Variants in LDB2 observed in about 807,000 individuals in gnomAD.
LDB2 encodes the protein LIM domain-binding protein 2.
Under a neutral mutation model 44.3 loss-of-function variants are expected in LDB2, and 12 were observed. The ratio of observed to expected loss-of-function variants is 0.27; its 90% CI spans 0.17 to 0.44. The LOEUF (loss-of-function observed/expected upper bound fraction) is 0.44, where lower values mean the gene tolerates loss of function less well. Among genes scored for constraint, LDB2 ranks in the 20% least tolerant of loss-of-function variants. The pLI, the probability that LDB2 is intolerant of heterozygous loss-of-function variation, is 1.00. For synonymous variants in LDB2, 164 were observed against 174.8 expected (o/e 0.94, Z 0.49); for missense variants, 344 against 473.5 (o/e 0.73, Z 2.54).
chr4:16,898,574 G>A lies in LDB2; in HGVS notation c.-89C>T, dbSNP rs1272431882. On this transcript the variant is annotated 5_prime_UTR_variant, in exon 1 of 8. Transcript: ENST00000304523. ...GCTGTGTTCTTCCCAGTACAAAGTA[G>A]ACGCACGCACACACGCTCACACACA... is the stretch of plus-strand genomic sequence containing the variant. 3 of 1,364,344 alleles carry A rather than the reference G, an allele frequency of 2.2e-6. No individual in the cohort carries two copies. Among genetic ancestry groups the A allele is most frequent in the Non-Finnish European group, 3.1e-6 (3 of 982,946 alleles). 84.5% of individuals were successfully genotyped at this position (1,364,344 alleles called of 1,614,324 possible).
intron 1 of LDB2, among the ~76,000 whole-genome samples, chr4:16,854,441 A>G (rs1788916690): frequency 6.6e-6 from 1 of 151,296 alleles, no homozygotes; most frequent in African/African-American, 2.4e-5. Context: ...CCAAAATAAC[A>G]GTGGTTATTT....
At chr4:16,557,235 G>A (rs1740009121) in intron 5 of LDB2, among the ~76,000 whole-genome samples, 1 of 152,200 alleles carries the variant, frequency 6.6e-6, no homozygotes, top group East Asian at 1.9e-4. Context: ...AGAGCACCGT[G>A]CGCAAGCCGA....
chr4:16,745,083 A>G (rs778890237), intron 2 of LDB2, among the ~76,000 whole-genome samples: 28 of 152,334 alleles, frequency 1.8e-4, no homozygotes, highest in African/African-American at 5.5e-4. Flanking sequence ...ACTGCAGGAC[A>G]GGGTCGTGAT....
intron 1 of LDB2, among the ~76,000 whole-genome samples, chr4:16,840,471 C>A (rs974125501): frequency 1.3e-5 from 2 of 152,124 alleles, no homozygotes; most frequent in African/African-American, 4.8e-5. Context: ...GGAAAACTCA[C>A]AGAAAGTCAG....
intron 1 of LDB2, among the ~76,000 whole-genome samples, chr4:16,858,427 G>C (rs1561460096): frequency 6.6e-6 from 1 of 152,204 alleles, no homozygotes; most frequent in Non-Finnish European, 1.5e-5. Flanking sequence ...GGCTTCCAGA[G>C]AACTGGGTCT....
intron 3 of LDB2, among the ~76,000 whole-genome samples, chr4:16,592,505 T>TATATATATATATACAC (rs757702164): frequency 9.3e-5 from 10 of 108,014 alleles, no homozygotes; most frequent in African/African-American, 3.8e-4. Flanking sequence ...TATATATATA[T>TATATATATATATACAC]ACACACACAC....
At chr4:16,601,024 T>C (rs1722444931) in intron 2 of LDB2, among the ~76,000 whole-genome samples, 1 of 152,000 alleles carries the variant, frequency 6.6e-6, no homozygotes, top group African/African-American at 2.4e-5. Flanking sequence ...GTAATTCACA[T>C]GAAAGAAACT....
intron 3 of LDB2, among the ~76,000 whole-genome samples, chr4:16,593,374 T>C (rs1273301616): frequency 1.3e-5 from 2 of 152,120 alleles, no homozygotes; most frequent in Non-Finnish European, 2.9e-5. Flanking sequence ...ACAGCCATGA[T>C]ATTTTATTAC....
chr4:16,730,560 T>A (rs1760522312), intron 2 of LDB2, among the ~76,000 whole-genome samples: 2 of 152,130 alleles, frequency 1.3e-5, no homozygotes, highest in Non-Finnish European at 2.9e-5. Context: ...CCATACATCA[T>A]CTCATTTATT....
rs192617277 is a variant in LDB2 at position 16,728,583 on chromosome 4, C to T, written c.235+30575G>A. Among the ~76,000 whole-genome samples the T allele has an allele frequency of 1.8e-3, 280 of 152,252 alleles. 4 individuals are homozygous for T. In the East Asian group the frequency reaches 0.046, roughly 25 times the overall value. The stretch of plus-strand genomic sequence containing the variant: ...ATAGTGATTGTATTTACAATTTAAG[C>T]TTCATTATCACATGGCACAGAAACT... On this transcript the variant is annotated intron_variant, in intron 2 of 7. Coordinates refer to ENST00000304523, the MANE Select transcript of LDB2 (RefSeq NM_001290.5).
At chr4:16,736,114 C>T (rs115805131) in intron 2 of LDB2, among the ~76,000 whole-genome samples, 4,097 of 152,272 alleles carry the variant, frequency 0.027, 78 homozygotes, top group Middle Eastern at 0.082. Flanking sequence ...TTCCCACCTC[C>T]GGCTCTCTCA....
chr4:16,616,282 C>CT (rs1449827089), intron 2 of LDB2, among the ~76,000 whole-genome samples: 16 of 152,108 alleles, frequency 1.1e-4, no homozygotes, highest in African/African-American at 3.6e-4. Context: ...AATGTGTTGA[C>CT]TACTGTTAGT....
At chr4:16,785,205 A>G (rs907159895) in intron 1 of LDB2, among the ~76,000 whole-genome samples, 3 of 152,150 alleles carry the variant, frequency 2.0e-5, no homozygotes, top group African/African-American at 7.2e-5. Flanking sequence ...TAAACGTGAC[A>G]CAAAGAAAAT....
intron 2 of LDB2, among the ~76,000 whole-genome samples, chr4:16,666,794 G>A (rs965722759): frequency 1.3e-5 from 2 of 152,190 alleles, no homozygotes; most frequent in African/African-American, 4.8e-5. Context: ...AAGTGACAGT[G>A]CAGTTTTTCC....
chr4:16,640,659 T>C (rs1734882862), intron 2 of LDB2, among the ~76,000 whole-genome samples: 1 of 152,220 alleles, frequency 6.6e-6, no homozygotes. Context: ...GCATTATTTT[T>C]ATCTTCAATC....
chr4:16,729,475 C>G (rs190833770), intron 2 of LDB2, among the ~76,000 whole-genome samples: 1 of 152,054 alleles, frequency 6.6e-6, no homozygotes, highest in Non-Finnish European at 1.5e-5. Context: ...CAAAACACAC[C>G]GGCTCAGCCA....
At position 16,617,430 on chromosome 4, in the gene LDB2, C is replaced by A. The variant is rs1046545330; in HGVS notation, c.236-21555G>T. ...AAATCAAGTCGACATCTCCTCCTGA[C>A]CTTAATTGACCACAGTAAGCTGGAT... is the stretch of plus-strand genomic sequence containing the variant. On this transcript the variant is annotated intron_variant, in intron 2 of 7. Coordinates refer to ENST00000304523, the MANE Select transcript of LDB2 (RefSeq NM_001290.5). Among the ~76,000 whole-genome samples, 3 of 152,150 alleles carry A rather than the reference C, an allele frequency of 2.0e-5. No individual in the cohort carries two copies. In the East Asian group the frequency reaches 5.8e-4, roughly 29 times the overall value.
At chr4:16,834,417 T>G (rs1784556825) in intron 1 of LDB2, among the ~76,000 whole-genome samples, 1 of 152,174 alleles carries the variant, frequency 6.6e-6, no homozygotes, top group South Asian at 2.1e-4. Context: ...TGAGTGAAAG[T>G]AGAATAGGGG....
chr4:16,739,732 G>GTATATATGTA (rs1762836790), intron 2 of LDB2, among the ~76,000 whole-genome samples: 1 of 42,200 alleles, frequency 2.4e-5, no homozygotes, highest in Admixed American at 2.6e-4. Context: ...ACATATATGT[G>GTATATATGTA]TATATACATA....
Sources: allele counts gnomAD v4.1 joint callset (sites outside exome capture counted in the v4.1 genomes callset), GRCh38; gene constraint gnomAD v4.1.1; transcripts MANE v1.5; gene names NCBI Gene and HGNC (gene_info 2026-07-23, HGNC 2026-07-21).